MAPK4: variants seen among roughly 807,000 people sequenced by gnomAD.
MAPK4 encodes the protein Erk3-related.
MAPK4 carries 22 observed loss-of-function variants against 47.7 expected under a neutral mutation model. The ratio of observed to expected loss-of-function variants is 0.46; its 90% CI spans 0.33 to 0.66. The LOEUF is 0.66. Ranked by LOEUF, MAPK4 falls within the 30% of genes least tolerant of loss-of-function variation. The pLI is 0.02. For synonymous variants in MAPK4, 390 were observed against 365.7 expected (o/e 1.07, Z -0.76); for missense variants, 736 against 831.7 (o/e 0.88, Z 1.42).
intron 2 of MAPK4, among the ~76,000 whole-genome samples, chr18:50,670,890 G>A (rs1907909688): frequency 1.3e-5 from 2 of 152,168 alleles, no homozygotes; most frequent in Non-Finnish European, 2.9e-5. Flanking sequence ...AGCCCTTAGG[G>A]TGAGGCCCAG....
intron 1 of MAPK4, among the ~76,000 whole-genome samples, chr18:50,612,460 G>A (rs1177066578): frequency 1.3e-5 from 2 of 152,182 alleles, no homozygotes; most frequent in African/African-American, 4.8e-5. Flanking sequence ...CAGTATAGCG[G>A]GAGAGAAAGA....
intron 1 of MAPK4, among the ~76,000 whole-genome samples, chr18:50,562,405 G>A (rs1375179507): frequency 3.3e-5 from 3 of 89,734 alleles, no homozygotes; most frequent in African/African-American, 1.3e-4. Flanking sequence ...ACTTCATTCT[G>A]CATTTTGGCC....
intron 1 of MAPK4, among the ~76,000 whole-genome samples, chr18:50,561,274 G>C: frequency 6.6e-6 from 1 of 152,232 alleles, no homozygotes; most frequent in Non-Finnish European, 1.5e-5. Context: ...ACCCCTGCCT[G>C]GGTTGAGGAG....
chr18:50,707,660 T>G (rs954561871), intron 2 of MAPK4, among the ~76,000 whole-genome samples: 1 of 151,996 alleles, frequency 6.6e-6, no homozygotes, highest in Non-Finnish European at 1.5e-5. Context: ...CTGAACCGTA[T>G]GCTTAACAGT....
At chr18:50,685,397 T>A (rs1908817030) in intron 2 of MAPK4, among the ~76,000 whole-genome samples, 1 of 152,198 alleles carries the variant, frequency 6.6e-6, no homozygotes, top group South Asian at 2.1e-4. Flanking sequence ...CACACGTGGC[T>A]ATGGGGAAGA....
In MAPK4 at chr18:50,668,617, T is replaced by C. The variant is rs552024429; in HGVS notation, c.546+4113T>C. 2.6e-5 allele frequency among the ~76,000 whole-genome samples: 4 copies of C among 152,288 alleles called. No individual in the cohort carries two copies. The East Asian group carries it at 7.7e-4, about 29-fold the overall frequency. On this transcript the variant is annotated intron_variant, in intron 2 of 5. Transcript: ENST00000400384. Reference sequence around the variant, plus strand: ...AGATGGTGTGGGTGGCAATGGAGGATGTTCCCTTTCAACAGGGGCAGTCTG... The same window carrying C: ...AGATGGTGTGGGTGGCAATGGAGGACGTTCCCTTTCAACAGGGGCAGTCTG...
At chr18:50,571,812 C>T (rs2042252895) in intron 1 of MAPK4, among the ~76,000 whole-genome samples, 1 of 152,146 alleles carries the variant, frequency 6.6e-6, no homozygotes. Flanking sequence ...GTTAGCTGAG[C>T]AAATTCCTGT....
At chr18:50,563,837 CA>C (rs1467866636) in intron 1 of MAPK4, among the ~76,000 whole-genome samples, 1 of 152,172 alleles carries the variant, frequency 6.6e-6, no homozygotes, top group African/African-American at 2.4e-5. Context: ...AAACTGGTCT[CA>C]GGGGAAAACC....
chr18:50,618,940 G>A (rs900231925), intron 1 of MAPK4, among the ~76,000 whole-genome samples: 4 of 149,860 alleles, frequency 2.7e-5, no homozygotes, highest in African/African-American at 7.5e-5. Context: ...TACCTGGCCC[G>A]GGTAACTGCC....
chr18:50,708,902 C>G (rs1280101700), intron 2 of MAPK4, among the ~76,000 whole-genome samples: 1 of 152,190 alleles, frequency 6.6e-6, no homozygotes, highest in Non-Finnish European at 1.5e-5. Flanking sequence ...GTCCCTACCT[C>G]ATGGGATTGC....
chr18:50,615,414 A>T (rs1446023371), intron 1 of MAPK4, among the ~76,000 whole-genome samples: 1 of 152,072 alleles, frequency 6.6e-6, no homozygotes, highest in African/African-American at 2.4e-5. Flanking sequence ...CTTGTTGTTC[A>T]CTTTTCCTGA....
intron 1 of MAPK4, among the ~76,000 whole-genome samples, chr18:50,564,803 G>A (rs185054284): frequency 1.3e-5 from 2 of 152,258 alleles, no homozygotes; most frequent in African/African-American, 4.8e-5. Context: ...GATCATCCCC[G>A]CCTGCTGCTT....
At chr18:50,630,539 C>T (rs1429273857) in intron 1 of MAPK4, among the ~76,000 whole-genome samples, 2 of 152,204 alleles carry the variant, frequency 1.3e-5, no homozygotes, top group Admixed American at 1.3e-4. Flanking sequence ...CCATTCTGGG[C>T]ATCCAGGAGT....
chr18:50,566,302 C>T (rs986670358), intron 1 of MAPK4, among the ~76,000 whole-genome samples: 2 of 152,184 alleles, frequency 1.3e-5, no homozygotes, highest in Non-Finnish European at 1.5e-5. Flanking sequence ...GTCAAATGTG[C>T]ACACAGTCAC....
In MAPK4 at chr18:50,664,313, G is replaced by T; in HGVS notation, c.355G>T (p.Gly119Cys). Residue 119 changes from glycine to cysteine, a missense_variant, in exon 2 of 6, where the codon GGC becomes TGC. Coordinates refer to ENST00000400384, the MANE Select transcript of MAPK4 (RefSeq NM_002747.4). This position sits in a 1 kb window ranked among gnomAD's most constrained non-coding sequence, Gnocchi z 6.0. ...ETDLARLLEQGTLAEEHAKLF... is the reference protein window; with the variant it reads ...ETDLARLLEQCTLAEEHAKLF... Reference sequence around the variant, plus strand: ...CGACCTGGCACGCCTGCTGGAGCAGGGCACGCTGGCAGAAGAGCATGCCAA... The same window carrying T: ...CGACCTGGCACGCCTGCTGGAGCAGTGCACGCTGGCAGAAGAGCATGCCAA... 6.2e-7 allele frequency: 1 copy of T among 1,613,652 alleles called. No individual in the cohort carries two copies. The highest frequency in any genetic ancestry group is 8.5e-7 in the Non-Finnish European group (1 of 1,179,934).
rs1263887552 is a variant in MAPK4 at position 50,729,193 on chromosome 18, G to A, written c.1103G>A (p.Arg368Gln). ...AGCCTGTCGTCGGACCTGGAGTGGC[G>A]GCCTGACCGGTGCCAGGACGCCAGC... ...PVSLSSDLEW[R>Q]PDRCQDASEV... The change falls in exon 6 of 6, where the codon CGG becomes CAG. Residue 368 changes from arginine to glutamine, a missense_variant. Transcript: ENST00000400384. The A allele has an allele frequency of 2.5e-6, 4 of 1,592,354 alleles. No individual in the cohort carries two copies. Among genetic ancestry groups the A allele is most frequent in the Admixed American group, 1.7e-5 (1 of 59,396 alleles).
intron 1 of MAPK4, among the ~76,000 whole-genome samples, chr18:50,609,313 C>T (rs1248079816): frequency 6.6e-6 from 1 of 151,566 alleles, no homozygotes; most frequent in Non-Finnish European, 1.5e-5. Context: ...AGGCGCCCCC[C>T]ACCTCCCGGG....
chr18:50,633,330 G>T (rs994159390), intron 1 of MAPK4, among the ~76,000 whole-genome samples: 5 of 152,244 alleles, frequency 3.3e-5, no homozygotes, highest in African/African-American at 1.2e-4. Flanking sequence ...CTGCCTGGGA[G>T]TGAGCCACTG....
chr18:50,703,975 G>A (rs77584858), intron 2 of MAPK4, among the ~76,000 whole-genome samples: 2,341 of 152,300 alleles, frequency 0.015, 59 homozygotes, highest in African/African-American at 0.05. Flanking sequence ...GGCATCCCCA[G>A]TGTTCCACAG....
Sources: gnomAD v4.1 joint callset for allele counts (sites outside exome capture counted in the v4.1 genomes callset) on GRCh38, gnomAD v4.1.1 for gene constraint, Gnocchi (gnomAD v3.1) non-coding constraint, MANE v1.5 for transcripts, NCBI Gene and HGNC (gene_info 2026-07-23, HGNC 2026-07-21) for gene names.